The following VAC14 variants were observed in gnomAD, a reference collection of about 807,000 sequenced individuals.
The protein encoded by VAC14 is protein VAC14 homolog.
VAC14 carries 47 observed loss-of-function variants against 85.3 expected under a neutral mutation model. That is an observed-to-expected ratio of 0.55 (90% CI 0.44 to 0.70). The LOEUF (loss-of-function observed/expected upper bound fraction) is 0.70. Ranked by LOEUF, VAC14 falls within the 30% of genes least tolerant of loss-of-function variation. The pLI is 0.00. For missense variants in VAC14, 861 were observed against 1,004.3 expected (o/e 0.86, Z 1.93); for synonymous variants, 447 against 430.5 (o/e 1.04, Z -0.47).
chr16:70,725,165 A>AG (rs1438452834), intron 14 of VAC14, among the ~76,000 whole-genome samples: 297 of 152,302 alleles, frequency 2.0e-3, no homozygotes, highest in African/African-American at 6.5e-3. Flanking sequence ...GGGCCCGGCC[A>AG]ATGCCTCCAG....
intron 12 of VAC14, among the ~76,000 whole-genome samples, chr16:70,760,143 G>A (rs963722936): frequency 2.0e-5 from 3 of 152,184 alleles, no homozygotes; most frequent in Non-Finnish European, 4.4e-5. Flanking sequence ...CGAGCACTGA[G>A]GTTAACTTCC....
intron 13 of VAC14, among the ~76,000 whole-genome samples, chr16:70,735,501 C>A (rs892295916): frequency 6.6e-6 from 1 of 152,192 alleles, no homozygotes. Context: ...AGACTCTCCT[C>A]CCAGGAGCTC....
chr16:70,775,432 C>G (rs2033469230), intron 9 of VAC14, among the ~76,000 whole-genome samples: 1 of 152,238 alleles, frequency 6.6e-6, no homozygotes, highest in South Asian at 2.1e-4. Flanking sequence ...CAACTTGCAT[C>G]TTTCACTCTG....
rs535588162 is a variant in VAC14 at position 70,784,188 on chromosome 16, C to T, written c.519G>A (p.Leu173=). The change falls in exon 5 of 19, where the codon CTG becomes CTA. Residue 173 remains leucine (L), a synonymous_variant. Coordinates refer to ENST00000261776, the MANE Select transcript of VAC14 (RefSeq NM_018052.5). ...DIVTESNKFD[L]VSFIPLLRER... is the part of the protein sequence containing the mutation. ...CTCGCAACAAGGGGATGAAGCTCAC[C>T]AGGTCAAACTTGTTGCTCTCAGTCA... is the stretch of plus-strand genomic sequence containing the variant. 2.1e-5 allele frequency: 34 copies of T among 1,614,138 alleles called. No individual in the cohort carries two copies. In the South Asian group the frequency reaches 2.9e-4, roughly 14 times the overall value.
intron 12 of VAC14, 72 bp from the exon 13 acceptor site, chr16:70,744,651 T>C (rs1166190206): frequency 3.3e-6 from 5 of 1,498,376 alleles, no homozygotes; most frequent in Non-Finnish European, 4.4e-6. Context: ...AGAGGTGCGG[T>C]TGGTGGCACA....
chr16:70,704,457 C>T (rs2053884598), intron 14 of VAC14, among the ~76,000 whole-genome samples: 2 of 152,240 alleles, frequency 1.3e-5, no homozygotes, highest in African/African-American at 2.4e-5. Context: ...GTTTGGAGGA[C>T]AAGACTTCCT....
intron 14 of VAC14, chr16:70,714,718 G>C (rs1273194453): frequency 6.6e-6 from 1 of 152,260 alleles, no homozygotes; most frequent in Non-Finnish European, 1.5e-5. Flanking sequence ...ACTTAGTCCA[G>C]ATTATCTGCT....
intron 14 of VAC14, among the ~76,000 whole-genome samples, chr16:70,712,365 C>A (rs551191335): frequency 4.6e-5 from 7 of 152,154 alleles, no homozygotes; most frequent in African/African-American, 1.7e-4. Context: ...ACCAGGATCA[C>A]GCCACTGCCC....
chr16:70,723,180 C>A (rs1454431122), intron 14 of VAC14, among the ~76,000 whole-genome samples: 2 of 151,948 alleles, frequency 1.3e-5, no homozygotes, highest in Non-Finnish European at 1.5e-5. Context: ...TGAGATTGCA[C>A]CACAGCACTT....
intron 13 of VAC14, among the ~76,000 whole-genome samples, chr16:70,734,304 A>T (rs748047347): frequency 3.3e-5 from 5 of 151,714 alleles, no homozygotes; most frequent in Admixed American, 2.0e-4. Context: ...ACACCCAGCT[A>T]AATTTTTTCT....
chr16:70,799,087 A>G (rs1339323444), intron 1 of VAC14, among the ~76,000 whole-genome samples: 3 of 152,252 alleles, frequency 2.0e-5, no homozygotes, highest in Non-Finnish European at 4.4e-5. Context: ...TGGAAGCAAC[A>G]ATAATGTTGA....
At chr16:70,750,206 TC>T (rs1222687666) in intron 12 of VAC14, among the ~76,000 whole-genome samples, 1 of 152,184 alleles carries the variant, frequency 6.6e-6, no homozygotes, top group Non-Finnish European at 1.5e-5. Flanking sequence ...TAGTCCTCCT[TC>T]CAGTGAGCAG....
chr16:70,773,975 G>A lies in VAC14; in HGVS notation c.1097-1803C>T, dbSNP rs149176610. ...TTTTCAGTAGAGATGGGGTTTTGTC[G>A]TGTTACCCAGGCTGGTTACAAACTC... is the stretch of plus-strand genomic sequence containing the variant. On this transcript the variant is annotated intron_variant, in intron 9 of 18. Coordinates refer to ENST00000261776, the MANE Select transcript of VAC14 (RefSeq NM_018052.5). Among the ~76,000 whole-genome samples the A allele has an allele frequency of 3.2e-4, 48 of 150,366 alleles. No homozygotes were observed. The East Asian group carries it at 8.2e-3, about 26-fold the overall frequency.
intron 14 of VAC14, chr16:70,716,250 G>A (rs2054164176): frequency 6.6e-6 from 1 of 152,206 alleles, no homozygotes. Context: ...TGCAGCCCCG[G>A]GGGAGGCGTG....
chr16:70,713,308 T>C (rs952906623), intron 14 of VAC14, among the ~76,000 whole-genome samples: 1 of 152,224 alleles, frequency 6.6e-6, no homozygotes, highest in African/African-American at 2.4e-5. Context: ...GCGAACAGCC[T>C]GGCTATGACG....
At chr16:70,783,889 G>C (rs73577159) in intron 5 of VAC14, among the ~76,000 whole-genome samples, 9 of 152,196 alleles carry the variant, frequency 5.9e-5, no homozygotes, top group Admixed American at 2.6e-4. Flanking sequence ...GACAAGGAAA[G>C]AACTGGACTC....
At position 70,702,366 on chromosome 16, in the gene VAC14, G is replaced by A. The variant is rs148945415; in HGVS notation, c.1662-3555C>T. 5.8e-3 allele frequency among the ~76,000 whole-genome samples: 878 copies of A among 152,300 alleles called. 4 individuals carry two copies. Among genetic ancestry groups the A allele is most frequent in the Non-Finnish European group, 9.8e-3 (669 of 68,026 alleles). On this transcript the variant is annotated intron_variant, in intron 14 of 18. Transcript: ENST00000261776. The stretch of plus-strand genomic sequence containing the variant: ...CTCTGAGTGAGGTGTCTCCCTCTGA[G>A]CATCGCTAATTAAAGCACCACAAGA...
chr16:70,775,955 A>T (rs2033495122), intron 9 of VAC14, among the ~76,000 whole-genome samples: 1 of 152,188 alleles, frequency 6.6e-6, no homozygotes, highest in Non-Finnish European at 1.5e-5. Context: ...GTATTTCCAA[A>T]TTGGAAGAGC....
At chr16:70,781,052 G>A in intron 8 of VAC14, 113 bp from the exon 9 acceptor site, 8 of 1,453,802 alleles carry the variant, frequency 5.5e-6, no homozygotes, top group Non-Finnish European at 7.5e-6. Flanking sequence ...AGGGGTTTCG[G>A]TCATGGGGGT....
Sources: gnomAD v4.1 joint callset for allele counts (sites outside exome capture counted in the v4.1 genomes callset) on GRCh38, gnomAD v4.1.1 for gene constraint, MANE v1.5 for transcripts, NCBI Gene and HGNC (gene_info 2026-07-23, HGNC 2026-07-21) for gene names.